The following SLC44A5 variants were observed in gnomAD, a reference collection of about 807,000 sequenced individuals.
SLC44A5 encodes the protein solute carrier family 44 member 5, also known as choline transporter-like protein 5.
Under a neutral mutation model 101.8 loss-of-function variants are expected in SLC44A5, and 57 were observed. The observed-to-expected ratio is 0.56, with a 90% CI of 0.45 to 0.70. The LOEUF is 0.70. SLC44A5 is among the 30% of genes least tolerant of loss of function. The probability of loss-of-function intolerance (pLI) is 0.00; values close to 1 mark genes in which losing one functional copy is unlikely to be tolerated. For synonymous variants in SLC44A5, 281 were observed against 290.9 expected (o/e 0.97, Z 0.35); for missense variants, 737 against 853.1 (o/e 0.86, Z 1.70).
chr1:75,373,315 C>T (rs1660350596), intron 3 of SLC44A5, among the ~76,000 whole-genome samples: 4 of 152,092 alleles, frequency 2.6e-5, no homozygotes, highest in Admixed American at 2.6e-4. Context: ...AGCACCAAGA[C>T]CAGCTCCTGG....
chr1:75,488,577 C>T (rs772743251), intron 2 of SLC44A5, among the ~76,000 whole-genome samples: 4 of 152,064 alleles, frequency 2.6e-5, no homozygotes, highest in Non-Finnish European at 2.9e-5. Flanking sequence ...CCAAATAATC[C>T]GGATTTTCAA....
the SLC44A5 span, among the ~76,000 whole-genome samples, chr1:75,645,454 G>A: frequency 1.4e-4 from 21 of 151,312 alleles, no homozygotes; most frequent in African/African-American, 3.2e-4. Flanking sequence ...CATATCCTTC[G>A]CCCACTTGTT....
chr1:75,439,350 AAAAAAATGACC>A (rs374070918), intron 2 of SLC44A5, among the ~76,000 whole-genome samples: 20 of 152,056 alleles, frequency 1.3e-4, no homozygotes, highest in African/African-American at 4.8e-4. Flanking sequence ...ACATGTGGTA[AAAAAAATGACC>A]AAGGAGATTT....
At chr1:75,568,034 G>T (rs1169855024) in intron 1 of SLC44A5, among the ~76,000 whole-genome samples, 1 of 152,102 alleles carries the variant, frequency 6.6e-6, no homozygotes, top group African/African-American at 2.4e-5. Flanking sequence ...CACTAATAAT[G>T]CTAACTTATG....
At chr1:75,615,909 G>C, upstream of SLC44A5, 1 of 984,114 alleles carries the variant, frequency 1.0e-6, no homozygotes, top group Non-Finnish European at 1.2e-6. Flanking sequence ...TCCCTCCCCC[G>C]GACCCCCCAC....
At chr1:75,714,920 C>T in the SLC44A5 span, among the ~76,000 whole-genome samples, 2 of 152,124 alleles carry the variant, frequency 1.3e-5, no homozygotes, top group African/African-American at 2.4e-5. Context: ...GTGATCCACT[C>T]GCCTCAGCAT....
At chr1:75,243,319 C>T (rs1648815097) in intron 7 of SLC44A5, among the ~76,000 whole-genome samples, 1 of 151,678 alleles carries the variant, frequency 6.6e-6, no homozygotes, top group Admixed American at 6.6e-5. Flanking sequence ...GTATTTTTTG[C>T]AGAGTCGGGG....
chr1:75,533,425 C>T (rs1457848025), intron 2 of SLC44A5, among the ~76,000 whole-genome samples: 1 of 152,128 alleles, frequency 6.6e-6, no homozygotes, highest in Non-Finnish European at 1.5e-5. Context: ...ACAAATAACC[C>T]ATTAAGGCTG....
At chr1:75,536,293 G>T (rs1458900414) in intron 2 of SLC44A5, among the ~76,000 whole-genome samples, 6 of 151,936 alleles carry the variant, frequency 3.9e-5, no homozygotes, top group Non-Finnish European at 7.4e-5. Context: ...CACGGAAAAA[G>T]TGTCTTCATA....
At chr1:75,376,498 G>C (rs1211301766) in intron 3 of SLC44A5, among the ~76,000 whole-genome samples, 2 of 152,222 alleles carry the variant, frequency 1.3e-5, no homozygotes, top group Non-Finnish European at 2.9e-5. Context: ...CTGAGAACGG[G>C]CAGACTGCCT....
chr1:75,658,048 C>A, the SLC44A5 span, among the ~76,000 whole-genome samples: 1 of 152,110 alleles, frequency 6.6e-6, no homozygotes, highest in African/African-American at 2.4e-5. Context: ...TCTCCAAAAT[C>A]ACCACATGCT....
At chr1:75,376,891 G>A (rs1428780876) in intron 3 of SLC44A5, among the ~76,000 whole-genome samples, 2 of 152,106 alleles carry the variant, frequency 1.3e-5, no homozygotes, top group African/African-American at 4.8e-5. Context: ...GCTACGGGAG[G>A]ACATTCAAAC....
At chr1:75,446,152 G>A (rs1291267893) in intron 2 of SLC44A5, among the ~76,000 whole-genome samples, 5 of 152,162 alleles carry the variant, frequency 3.3e-5, no homozygotes, top group Non-Finnish European at 7.4e-5. Context: ...ACATGCAGTG[G>A]AGTGATCTTT....
chr1:75,339,536 C>A (rs763216291), intron 4 of SLC44A5, 46 bp downstream of exon 4: 1 of 1,522,452 alleles, frequency 6.6e-7, no homozygotes, highest in Non-Finnish European at 9.0e-7. Context: ...CCAAAGCTTT[C>A]TGTGTATGTT....
intron 2 of SLC44A5, among the ~76,000 whole-genome samples, chr1:75,439,303 T>C (rs185389579): frequency 1.8e-4 from 27 of 152,254 alleles, no homozygotes; most frequent in African/African-American, 6.0e-4. Context: ...CATGAGCCAA[T>C]AAATTTCTGT....
At chr1:75,490,930 T>A (rs185244711) in intron 2 of SLC44A5, among the ~76,000 whole-genome samples, 2,517 of 148,000 alleles carry the variant, frequency 0.017, 64 homozygotes, top group African/African-American at 0.057. Flanking sequence ...TCTACTTTTT[T>A]AAAAAAAAAA....
rs35608663 is a variant in SLC44A5 at position 75,300,014 on chromosome 1, C to CAAAAAAAA, written c.175+590_175+597dup. On this transcript the variant is annotated intron_variant, in intron 5 of 23. Coordinates refer to ENST00000370859, the MANE Select transcript of SLC44A5 (RefSeq NM_001130058.2). ...CTGGGAACACAGTGAGACTCTGTCT[C>CAAAAAAAA]AAAAAAAAAAAAAAAAAAAAAAAAA... Among the ~76,000 whole-genome samples, 58 of 93,768 alleles carry CAAAAAAAA rather than the reference C, an allele frequency of 6.2e-4. 2 individuals are homozygous for CAAAAAAAA. The highest frequency in any genetic ancestry group is 2.9e-3 in the African/African-American group (53 of 18,536). The allele number at this position is 93,768 out of a possible 152,430, so 61.5% of individuals were successfully genotyped here.
At chr1:75,467,650 T>A (rs1266226355) in intron 2 of SLC44A5, among the ~76,000 whole-genome samples, 2 of 152,172 alleles carry the variant, frequency 1.3e-5, no homozygotes, top group Non-Finnish European at 2.9e-5. Context: ...CGAAAGTAGA[T>A]GCCTATCTCT....
At chr1:75,311,115 T>C (rs997731657) in intron 4 of SLC44A5, among the ~76,000 whole-genome samples, 1 of 145,620 alleles carries the variant, frequency 6.9e-6, no homozygotes, top group Non-Finnish European at 1.5e-5. Flanking sequence ...CAAAATAGCA[T>C]CTTTTTTTTT....
Sources: gnomAD v4.1 joint callset for allele counts (sites outside exome capture counted in the v4.1 genomes callset) on GRCh38, gnomAD v4.1.1 for gene constraint, MANE v1.5 for transcripts, NCBI Gene and HGNC (gene_info 2026-07-23, HGNC 2026-07-21) for gene names.